EXTL1: variants seen among roughly 807,000 people sequenced by gnomAD.
EXTL1 encodes the protein exostosin-like 1.
A neutral mutation model predicts 64.6 loss-of-function variants in EXTL1; 43 were observed. The observed-to-expected ratio is 0.67, with a 90% CI of 0.52 to 0.86. The LOEUF is 0.86. Ranked by LOEUF, EXTL1 falls within the 40% of genes least tolerant of loss-of-function variation. EXTL1 has a pLI of 0.00. For synonymous variants in EXTL1, 352 were observed against 360.5 expected (o/e 0.98, Z 0.27); for missense variants, 766 against 879.0 (o/e 0.87, Z 1.62).
chr1:26,030,443 A>G, intron 3 of EXTL1, 33 bp from the exon 4 acceptor site: 1 of 1,591,412 alleles, frequency 6.3e-7, no homozygotes, highest in Non-Finnish European at 8.6e-7. Flanking sequence ...AAATTGCTCT[A>G]TTACCTGGCA....
rs778567990 is a variant in EXTL1 at position 26,032,437 on chromosome 1, G to A, written c.1383G>A (p.Arg461=). Residue 461 remains arginine (R), a synonymous_variant, in exon 7 of 11, where the codon AGG becomes AGA. Transcript: ENST00000374280. The part of the protein sequence containing the change: ...LWSNERPLPS[R]WPETAVPLTV... ...GCAATGAGAGGCCACTCCCATCCAG[G>A]TGGCCGGAGACAGCTGTGCCCTTGA... is the stretch of plus-strand genomic sequence containing the variant. 1.3e-6 allele frequency: 2 copies of A among 1,555,976 alleles called. No individual in the cohort carries two copies. Among genetic ancestry groups the A allele is most frequent in the Non-Finnish European group, 1.7e-6 (2 of 1,149,294 alleles).
At position 26,035,315 on chromosome 1, in the gene EXTL1, C is replaced by T. The variant is rs202242840; in HGVS notation, c.1999C>T (p.Arg667Cys). The T allele has an allele frequency of 6.2e-7, 1 of 1,611,976 alleles. No homozygotes were observed. Among genetic ancestry groups the T allele is most frequent in the African/African-American group, 1.3e-5 (1 of 74,874 alleles). The change falls in exon 11 of 11, where the codon CGC becomes TGC. Residue 667 changes from arginine to cysteine, a missense_variant. Physicochemically the swap from Arg to Cys is radical, Grantham distance 180 (BLOSUM62 -3). Around this residue, in one of 3 missense-constraint regions of EXTL1, gnomAD observed 194 missense variants for 214.5 expected, o/e 0.90. Coordinates refer to ENST00000374280, the MANE Select transcript of EXTL1 (RefSeq NM_004455.3). This position sits in a 1 kb window ranked among gnomAD's most constrained non-coding sequence, Gnocchi z 5.3. ...GTTTAAGGACCCGGTGTCCGTGCAGCGCAAGAAGTACCGCAGCCTGGAGAA... is the reference window on the plus strand; with the variant it reads ...GTTTAAGGACCCGGTGTCCGTGCAGTGCAAGAAGTACCGCAGCCTGGAGAA... ...VLFKDPVSVQ[R>C]KKYRSLEKP
Position 26,033,828 on chromosome 1 carries a change from G to A in EXTL1, c.1651G>A (p.Val551Ile). ...TGAGAGGACCAACGAATTCTCCATGGTTCTCACCACAGCCGCCTTCTACCA... is the reference window on the plus strand; with the variant it reads ...TGAGAGGACCAACGAATTCTCCATGATTCTCACCACAGCCGCCTTCTACCA... Reference protein sequence around the residue: ...TAERTNEFSMVLTTAAFYHRY... With the variant: ...TAERTNEFSMILTTAAFYHRY... The change falls in exon 9 of 11, where the codon GTT becomes ATT. Residue 551 changes from valine to isoleucine, a missense_variant. Physicochemically the swap from Val to Ile is conservative, Grantham distance 29. This residue lies in a region of EXTL1 where 194 missense variants were observed against 214.5 expected (regional missense o/e 0.90). Transcript: ENST00000374280. The surrounding 1 kb of genome is among the most constrained non-coding windows in gnomAD (Gnocchi z 5.1). The A allele has an allele frequency of 1.9e-6, 3 of 1,614,052 alleles. No individual in the cohort carries two copies. Among genetic ancestry groups the A allele is most frequent in the Non-Finnish European group, 2.5e-6 (3 of 1,179,988 alleles).
Position 26,034,720 on chromosome 1 carries a change from AG to A in EXTL1, c.1680-113del. On this transcript the variant is annotated intron_variant, in intron 9 of 10. Transcript: ENST00000374280. This position sits in a 1 kb window ranked among gnomAD's most constrained non-coding sequence, Gnocchi z 4.6. Reference sequence around the variant, plus strand: ...GGGATGGGAGCTCTCTGAGGCAGCCAGGGCTCAGAGGCTTGGGGATGGGGGT... The same window carrying A: ...GGGATGGGAGCTCTCTGAGGCAGCCAGGCTCAGAGGCTTGGGGATGGGGGT... The A allele has an allele frequency of 1.9e-6, 2 of 1,033,932 alleles. No individual in the cohort carries two copies. The highest frequency in any genetic ancestry group is 4.8e-5 in the East Asian group (2 of 41,716). The allele number at this position is 1,033,932 out of a possible 1,614,324, so 64.0% of individuals were successfully genotyped here.
intron 1 of EXTL1, among the ~76,000 whole-genome samples, chr1:26,027,654 G>C (rs148257583): frequency 0.071 from 10,003 of 141,612 alleles, 1,194 homozygotes; most frequent in African/African-American, 0.25. Flanking sequence ...CCAGGAGTTT[G>C]AGACAGCCTG....
Position 26,023,222 on chromosome 1 carries a change from C to T in EXTL1, c.576C>T (p.Pro192=), listed in dbSNP as rs746776616. 9.9e-6 allele frequency: 16 copies of T among 1,609,982 alleles called. No homozygotes were observed. The highest frequency in any genetic ancestry group is 5.0e-5 in the Admixed American group (3 of 59,698). The change falls in exon 1 of 11, where the codon CCC becomes CCT. Residue 192 remains proline (P), a synonymous_variant. Coordinates refer to ENST00000374280, the MANE Select transcript of EXTL1 (RefSeq NM_004455.3). Reference sequence around the variant, plus strand: ...GCCCCACGGTGGACTCCTTCCGGCCCGGCTTTGATGTGGCCCTCCCTTTTC... The same window carrying T: ...GCCCCACGGTGGACTCCTTCCGGCCTGGCTTTGATGTGGCCCTCCCTTTTC... The part of the protein sequence containing the change: ...EASPTVDSFR[P]GFDVALPFLP...
intron 1 of EXTL1, among the ~76,000 whole-genome samples, chr1:26,024,482 C>CG (rs1018590214): frequency 1.3e-5 from 2 of 152,134 alleles, no homozygotes; most frequent in African/African-American, 4.8e-5. Flanking sequence ...GAATTCTTGC[C>CG]TCTGCTTGGG....
In EXTL1 at chr1:26,035,197, G is replaced by C. The variant is rs202215506; in HGVS notation, c.1881G>C (p.Pro627=). 6.2e-7 allele frequency: 1 copy of C among 1,611,026 alleles called. No individual in the cohort carries two copies. The highest frequency in any genetic ancestry group is 1.3e-5 in the African/African-American group (1 of 74,976). ...GGGGCCCGGGGCCCAGGCCAAAGCC[G>C]CCTGCCCCAGCCCCCGACTGCATCA... The part of the protein sequence containing the change: ...APGGPGPRPK[P]PAPAPDCINQ... The change falls in exon 11 of 11, where the codon CCG becomes CCC. Residue 627 remains proline, a synonymous_variant. Transcript: ENST00000374280. This position sits in a 1 kb window ranked among gnomAD's most constrained non-coding sequence, Gnocchi z 5.3.
At position 26,031,487 on chromosome 1, in the gene EXTL1, C is replaced by A. The variant is rs760766061; in HGVS notation, c.1262C>A (p.Ala421Asp). 6.3e-7 allele frequency: 1 copy of A among 1,594,866 alleles called. No homozygotes were observed. The highest frequency in any genetic ancestry group is 1.7e-5 in the Admixed American group (1 of 57,750). ...TCCCGCCCTGAGGGCAGATTCAGCGCCCTGATCTGGGTGGGGCCCCCAGGC... is the reference window on the plus strand; with the variant it reads ...TCCCGCCCTGAGGGCAGATTCAGCGACCTGATCTGGGTGGGGCCCCCAGGC... ...QGSRPEGRFSALIWVGPPGQP... is the reference protein window; with the variant it reads ...QGSRPEGRFSDLIWVGPPGQP... The change falls in exon 6 of 11, where the codon GCC becomes GAC. Residue 421 changes from alanine to aspartate, a missense_variant. Ala to Asp is a moderately radical substitution (Grantham distance 126, BLOSUM62 -2). This residue lies in a region of EXTL1 where 571 missense variants were observed against 647.6 expected (regional missense o/e 0.88). Transcript: ENST00000374280.
Position 26,023,148 on chromosome 1 carries a change from C to G in EXTL1, c.502C>G (p.Pro168Ala), listed in dbSNP as rs1399476057. The change falls in exon 1 of 11, where the codon CCC becomes GCC. Residue 168 changes from proline to alanine, a missense_variant. This residue lies in a region of EXTL1 where 571 missense variants were observed against 647.6 expected (regional missense o/e 0.88). Transcript: ENST00000374280. ...NHLVLRLHPAPCPRTFQLGQA... is the reference protein window; with the variant it reads ...NHLVLRLHPAACPRTFQLGQA... ...TCTGGTCCTCCGTCTCCACCCGGCT[C>G]CCTGCCCCAGGACCTTCCAGCTGGG... The G allele has an allele frequency of 6.2e-7, 1 of 1,613,826 alleles. No individual in the cohort carries two copies. Among genetic ancestry groups the G allele is most frequent in the Non-Finnish European group, 8.5e-7 (1 of 1,180,028 alleles).
At position 26,023,285 on chromosome 1, in the gene EXTL1, C is replaced by T. The variant is rs1233927231; in HGVS notation, c.639C>T (p.Gly213=). 1 of 1,574,458 alleles carries T rather than the reference C, an allele frequency of 6.4e-7. No homozygotes were observed. Among genetic ancestry groups the T allele is most frequent in the African/African-American group, 1.3e-5 (1 of 74,336 alleles). The part of the protein sequence containing the change: ...EAHPLRGGAP[G]QLRQHSPQPG... ...ACCCGTTGCGAGGTGGGGCTCCTGGCCAGCTGCGGCAACACAGCCCCCAGC... is the reference window on the plus strand; with the variant it reads ...ACCCGTTGCGAGGTGGGGCTCCTGGTCAGCTGCGGCAACACAGCCCCCAGC... The change falls in exon 1 of 11, where the codon GGC becomes GGT. Residue 213 remains glycine (G), a synonymous_variant. Transcript: ENST00000374280.
In EXTL1 at chr1:26,035,430, G is replaced by A. The variant is rs2124415458; in HGVS notation, c.*83G>A. On this transcript the variant is annotated 3_prime_UTR_variant, in exon 11 of 11. Coordinates refer to ENST00000374280, the MANE Select transcript of EXTL1 (RefSeq NM_004455.3). The surrounding 1 kb of genome is among the most constrained non-coding windows in gnomAD (Gnocchi z 5.3). ...CGCCTGCCGGCGGGCTCCGCTCTTGGGACACCGGAGAACCTATCATGTCAG... is the reference window on the plus strand; with the variant it reads ...CGCCTGCCGGCGGGCTCCGCTCTTGAGACACCGGAGAACCTATCATGTCAG... 5.4e-6 allele frequency: 7 copies of A among 1,300,688 alleles called. 1 individual carries two copies. In the South Asian group the frequency reaches 7.1e-5, roughly 13 times the overall value. The allele number at this position is 1,300,688 out of a possible 1,614,324, so 80.6% of individuals were successfully genotyped here.
At position 26,033,481 on chromosome 1, in the gene EXTL1, G is replaced by T. The variant is rs762045887; in HGVS notation, c.1518+166G>T. On this transcript the variant is annotated intron_variant, in intron 8 of 10. Coordinates refer to ENST00000374280, the MANE Select transcript of EXTL1 (RefSeq NM_004455.3). This position sits in a 1 kb window ranked among gnomAD's most constrained non-coding sequence, Gnocchi z 5.1. ...AGGCAGCCTCCTCTTTAGGAGTCTCGTTGAGGCTTTCCATGGACTCTTTTG... is the reference window on the plus strand; with the variant it reads ...AGGCAGCCTCCTCTTTAGGAGTCTCTTTGAGGCTTTCCATGGACTCTTTTG... Among the ~76,000 whole-genome samples, 1 of 152,154 alleles carries T rather than the reference G, an allele frequency of 6.6e-6. No individual in the cohort carries two copies. Among genetic ancestry groups the T allele is most frequent in the Non-Finnish European group, 1.5e-5 (1 of 68,018 alleles).
rs377019474 is a variant in EXTL1, at chr1:26,028,843, A to T, written c.780-350A>T. 2.5e-4 allele frequency among the ~76,000 whole-genome samples: 38 copies of T among 152,298 alleles called. 1 individual carries two copies. The East Asian group carries it at 5.4e-3, about 22-fold the overall frequency. On this transcript the variant is annotated intron_variant, in intron 1 of 10. Transcript: ENST00000374280. ...GGGGGAGGGCAGACGTGCATGTCTA[A>T]GTCAGGCAGGGCCTCGGAAACATCA...
chr1:26,031,084 C>T (rs1194029446), intron 4 of EXTL1, 48 bp from the exon 5 acceptor site: 2 of 1,612,460 alleles, frequency 1.2e-6, no homozygotes, highest in African/African-American at 1.3e-5. Context: ...GAGGTGTGGC[C>T]ATGGTCACAC....
intron 7 of EXTL1, among the ~76,000 whole-genome samples, chr1:26,032,977 C>T (rs1489286268): frequency 6.6e-6 from 1 of 152,144 alleles, no homozygotes; most frequent in South Asian, 2.1e-4. Flanking sequence ...AGTGGAAGGG[C>T]CCCTAGAGAC....
intron 1 of EXTL1, 89 bp from the exon 2 acceptor site, chr1:26,029,104 G>A (rs1186336710): frequency 1.1e-6 from 1 of 873,298 alleles, no homozygotes; most frequent in Non-Finnish European, 1.9e-6. Context: ...GGGTGCAGGG[G>A]TGTGGGGTTC....
In EXTL1 at chr1:26,029,209, A is replaced by T. The variant is rs935875704; in HGVS notation, c.796A>T (p.Thr266Ser). Residue 266 changes from threonine (T) to serine (S), a missense_variant, in exon 2 of 11, where the codon ACG becomes TCG. This residue lies in a region of EXTL1 where 571 missense variants were observed against 647.6 expected (regional missense o/e 0.88). Transcript: ENST00000374280. The part of the protein sequence containing the change: ...PGPGQTQRQE[T>S]LPNATFCLIS... ...CCTCTTTAGGACCCAGCGCCAGGAG[A>T]CGCTGCCCAATGCCACCTTCTGCCT... 6.2e-7 allele frequency: 1 copy of T among 1,613,230 alleles called. No homozygotes were observed. Among genetic ancestry groups the T allele is most frequent in the African/African-American group, 1.3e-5 (1 of 74,804 alleles).
Position 26,023,413 on chromosome 1 carries a change from C to G in EXTL1, c.767C>G (p.Pro256Arg). ...CPWDGRCEQD[P>R]GPGQTQRQET... ...TGGGATGGGCGCTGTGAGCAAGACC[C>G]TGGACCTGGGCAGTAAGTGAACCTT... Residue 256 changes from proline (P) to arginine (R), a missense_variant, in exon 1 of 11, where the codon CCT (proline) becomes CGT (arginine). Physicochemically the swap from Pro to Arg is moderately radical, Grantham distance 103. This residue lies in a region of EXTL1 where 571 missense variants were observed against 647.6 expected (regional missense o/e 0.88). Transcript: ENST00000374280. 2 of 1,444,526 alleles carry G rather than the reference C, an allele frequency of 1.4e-6. No homozygotes were observed. The highest frequency in any genetic ancestry group is 1.8e-6 in the Non-Finnish European group (2 of 1,094,764). The allele number at this position is 1,444,526 out of a possible 1,614,324, so 89.5% of individuals were successfully genotyped here.
Sources: allele counts gnomAD v4.1 joint callset (sites outside exome capture counted in the v4.1 genomes callset), GRCh38; gene constraint gnomAD v4.1.1; regional missense constraint gnomAD v4.1.1; non-coding constraint Gnocchi (gnomAD v3.1); transcripts MANE v1.5; gene names NCBI Gene and HGNC (gene_info 2026-07-23, HGNC 2026-07-21).